Variants in PRKN observed in about 807,000 individuals in gnomAD.
PRKN encodes parkin RBR E3 ubiquitin protein ligase.
Under a neutral mutation model 59.5 loss-of-function variants are expected in PRKN, and 56 were observed. The ratio of observed to expected loss-of-function variants is 0.94; its 90% CI spans 0.76 to 1.18. The LOEUF is 1.18. Among genes scored for constraint, PRKN ranks in the 50% most tolerant of loss-of-function variants. PRKN has a pLI of 0.00. For missense variants in PRKN, 657 were observed against 596.4 expected, an observed-to-expected ratio of 1.10 and a Z score of -1.06; for synonymous variants, 250 against 222.1, an observed-to-expected ratio of 1.13 and a Z score of -1.12.
chr6:161,997,117 A>G (rs1477906488), intron 5 of PRKN, among the ~76,000 whole-genome samples: 2 of 152,286 alleles, frequency 1.3e-5, no homozygotes, highest in East Asian at 3.9e-4. Flanking sequence ...AGCACATTCG[A>G]CGCAACGTGC....
At chr6:161,956,775 A>G (rs918558092) in intron 6 of PRKN, among the ~76,000 whole-genome samples, 2 of 152,152 alleles carry the variant, frequency 1.3e-5, no homozygotes, top group Non-Finnish European at 2.9e-5. Context: ...TGTAAAAACC[A>G]ATGTGTGTGA....
intron 4 of PRKN, among the ~76,000 whole-genome samples, chr6:162,095,017 TG>T (rs1424562890): frequency 6.6e-6 from 1 of 152,016 alleles, no homozygotes; most frequent in Non-Finnish European, 1.5e-5. Context: ...GTCACACAGA[TG>T]GAGAGATGGT....
intron 9 of PRKN, among the ~76,000 whole-genome samples, chr6:161,422,788 C>A (rs1788161472): frequency 6.6e-6 from 1 of 152,254 alleles, no homozygotes; most frequent in Admixed American, 6.5e-5. Context: ...GCCCCAGAGG[C>A]AAATGACATA....
At chr6:162,454,317 C>G (rs7758914) in intron 1 of PRKN, among the ~76,000 whole-genome samples, 12,999 of 152,204 alleles carry the variant, frequency 0.085, 1,874 homozygotes, top group African/African-American at 0.3. Context: ...TTCCACTACA[C>G]TTTATAGTAA....
intron 1 of PRKN, among the ~76,000 whole-genome samples, chr6:162,529,159 C>A (rs1283914760): frequency 6.6e-6 from 1 of 152,172 alleles, no homozygotes; most frequent in Non-Finnish European, 1.5e-5. Context: ...CTGGCATGAG[C>A]CACTGTGCCG....
At chr6:161,973,233 G>A (rs969335435) in intron 6 of PRKN, 69 bp downstream of exon 6, 4 of 959,814 alleles carry the variant, frequency 4.2e-6, no homozygotes, top group Admixed American at 3.4e-5. Flanking sequence ...AAGGAGGGGG[G>A]AGTGATGCTA....
chr6:161,379,954 G>A lies in PRKN; in HGVS notation c.1167+6840C>T, dbSNP rs763022821. On this transcript the variant is annotated intron_variant, in intron 10 of 11. Transcript: ENST00000366898. The surrounding 1 kb of genome is among the most constrained non-coding windows in gnomAD (Gnocchi z 4.9). The stretch of plus-strand genomic sequence containing the variant: ...CTTTCGAAAGCACCCATCTGATGAC[G>A]TCAATCTTTAAAAAATCTCCAGATG... 1.3e-5 allele frequency among the ~76,000 whole-genome samples: 2 copies of A among 152,240 alleles called. No individual in the cohort carries two copies. Among genetic ancestry groups the A allele is most frequent in the East Asian group, 1.9e-4 (1 of 5,176 alleles).
intron 3 of PRKN, among the ~76,000 whole-genome samples, chr6:162,207,631 C>T (rs1247090295): frequency 1.3e-5 from 2 of 152,146 alleles, no homozygotes; most frequent in Admixed American, 6.5e-5. Flanking sequence ...GGACCACTCT[C>T]TTCAGTTGAA....
chr6:162,643,397 C>CAA (rs59995115), intron 1 of PRKN, among the ~76,000 whole-genome samples: 18 of 82,490 alleles, frequency 2.2e-4, no homozygotes, highest in Middle Eastern at 8.5e-3. Flanking sequence ...GACTCTGCCT[C>CAA]AAAAAAAAAA....
Position 162,169,922 on chromosome 6 carries a change from A to G in PRKN, c.534+31209T>C, listed in dbSNP as rs1783188245. 1.3e-5 allele frequency among the ~76,000 whole-genome samples: 2 copies of G among 152,216 alleles called. 1 individual carries two copies. The highest frequency in any genetic ancestry group is 2.9e-5 in the Non-Finnish European group (2 of 68,038). Reference sequence around the variant, plus strand: ...AAATAGGTGGGGATGACATTCTGATACTAGAGAGCAGTTAAACGTGATGGG... The same window carrying G: ...AAATAGGTGGGGATGACATTCTGATGCTAGAGAGCAGTTAAACGTGATGGG... On this transcript the variant is annotated intron_variant, in intron 4 of 11. Coordinates refer to ENST00000366898, the MANE Select transcript of PRKN (RefSeq NM_004562.3).
chr6:162,133,752 T>C (rs1229554863), intron 4 of PRKN, among the ~76,000 whole-genome samples: 1 of 152,140 alleles, frequency 6.6e-6, no homozygotes, highest in Non-Finnish European at 1.5e-5. Flanking sequence ...AAGTGGCCCA[T>C]GTGGCCGGTG....
chr6:161,690,932 T>C (rs1785759546), intron 7 of PRKN, among the ~76,000 whole-genome samples: 1 of 152,076 alleles, frequency 6.6e-6, no homozygotes, highest in South Asian at 2.1e-4. Flanking sequence ...TATTAATCTA[T>C]CTATCTGTGT....
chr6:162,240,376 C>A (rs1184440348), intron 3 of PRKN, among the ~76,000 whole-genome samples: 1 of 151,974 alleles, frequency 6.6e-6, no homozygotes, highest in Non-Finnish European at 1.5e-5. Flanking sequence ...CCACGCATGC[C>A]CTATGTGTGG....
In PRKN at chr6:161,446,868, A is replaced by G. The variant is rs1047551484; in HGVS notation, c.1084-59991T>C. On this transcript the variant is annotated intron_variant, in intron 9 of 11. Coordinates refer to ENST00000366898, the MANE Select transcript of PRKN (RefSeq NM_004562.3). The surrounding 1 kb of genome is among the most constrained non-coding windows in gnomAD (Gnocchi z 6.2). Reference sequence around the variant, plus strand: ...ATCAACCCATTTTTCTGCTGTATACATAGAAAAGGACAACAGCCACTCCCT... The same window carrying G: ...ATCAACCCATTTTTCTGCTGTATACGTAGAAAAGGACAACAGCCACTCCCT... Among the ~76,000 whole-genome samples, 1 of 152,150 alleles carries G rather than the reference A, an allele frequency of 6.6e-6. No individual in the cohort carries two copies. The highest frequency in any genetic ancestry group is 1.5e-5 in the Non-Finnish European group (1 of 68,030).
chr6:162,552,206 G>A (rs1034294820), intron 1 of PRKN, among the ~76,000 whole-genome samples: 1 of 152,156 alleles, frequency 6.6e-6, no homozygotes, highest in East Asian at 1.9e-4. Flanking sequence ...GGTGTGAGTC[G>A]GACAGCAAAG....
At chr6:161,829,848 C>T (rs1265697017) in intron 6 of PRKN, among the ~76,000 whole-genome samples, 7 of 108,428 alleles carry the variant, frequency 6.5e-5, no homozygotes, top group African/African-American at 1.0e-4. Flanking sequence ...GCACTAAATG[C>T]CAAAAAAAAA....
intron 2 of PRKN, among the ~76,000 whole-genome samples, chr6:162,381,990 C>T (rs1786513798): frequency 6.6e-6 from 1 of 152,138 alleles, no homozygotes; most frequent in South Asian, 2.1e-4. Context: ...CTCCCAGACT[C>T]GTGGGTCACA....
At position 161,454,400 on chromosome 6, in the gene PRKN, C is replaced by T. The variant is rs1203572620; in HGVS notation, c.1084-67523G>A. Among the ~76,000 whole-genome samples, 1 of 152,138 alleles carries T rather than the reference C, an allele frequency of 6.6e-6. No individual in the cohort carries two copies. Among genetic ancestry groups the T allele is most frequent in the Non-Finnish European group, 1.5e-5 (1 of 68,034 alleles). On this transcript the variant is annotated intron_variant, in intron 9 of 11. Coordinates refer to ENST00000366898, the MANE Select transcript of PRKN (RefSeq NM_004562.3). The surrounding 1 kb of genome is among the most constrained non-coding windows in gnomAD (Gnocchi z 4.6). ...CTGGGGTTAGGGTGGCTTTGGGAAA[C>T]CCTTGACTGCTTGAGGAATCCTTTC...
At chr6:161,365,035 T>A (rs1288570189) in intron 10 of PRKN, among the ~76,000 whole-genome samples, 1 of 151,768 alleles carries the variant, frequency 6.6e-6, no homozygotes, top group East Asian at 1.9e-4. Context: ...AGGCAGAGGG[T>A]CCTTAGATTT....
Sources: allele counts gnomAD v4.1 joint callset (sites outside exome capture counted in the v4.1 genomes callset), GRCh38; gene constraint gnomAD v4.1.1; non-coding constraint Gnocchi (gnomAD v3.1); transcripts MANE v1.5; gene names NCBI Gene and HGNC (gene_info 2026-07-23, HGNC 2026-07-21).